MYRIP: variants seen among roughly 807,000 people sequenced by gnomAD.
The protein encoded by MYRIP is myosin VIIA and Rab interacting protein.
A neutral mutation model predicts 98.0 loss-of-function variants in MYRIP; 49 were observed. The observed-to-expected ratio is 0.50, with a 90% CI of 0.40 to 0.63. The LOEUF (loss-of-function observed/expected upper bound fraction) is 0.63. Ranked by LOEUF, MYRIP falls within the 30% of genes least tolerant of loss-of-function variation. MYRIP has a pLI of 0.00. For missense variants in MYRIP, 1,004 were observed against 1,058.2 expected (o/e 0.95, Z 0.71); for synonymous variants, 404 against 409.5 (o/e 0.99, Z 0.16).
intron 8 of MYRIP, chr3:40,174,858 T>C (rs1950713579): frequency 6.6e-6 from 1 of 152,222 alleles, no homozygotes; most frequent in African/African-American, 2.4e-5. Flanking sequence ...AAAATGTTAT[T>C]GGAGGCCGGG....
intron 1 of MYRIP, among the ~76,000 whole-genome samples, chr3:39,861,866 CATT>C (rs1942482448): frequency 6.6e-6 from 1 of 152,166 alleles, no homozygotes; most frequent in African/African-American, 2.4e-5. Flanking sequence ...ATCTACAACT[CATT>C]GATGTCCCTG....
At chr3:40,050,921 A>G (rs1947782520) in intron 3 of MYRIP, among the ~76,000 whole-genome samples, 1 of 152,174 alleles carries the variant, frequency 6.6e-6, no homozygotes, top group Admixed American at 6.6e-5. Flanking sequence ...CTGACAGTGT[A>G]CTGAATTGCT....
chr3:40,214,759 G>C (rs1055796245), intron 11 of MYRIP, among the ~76,000 whole-genome samples: 3 of 152,146 alleles, frequency 2.0e-5, no homozygotes, highest in African/African-American at 7.2e-5. Context: ...CCCAACCACT[G>C]AACAGCCATG....
At chr3:39,867,579 C>A (rs1942662109) in intron 1 of MYRIP, among the ~76,000 whole-genome samples, 1 of 152,070 alleles carries the variant, frequency 6.6e-6, no homozygotes, top group Non-Finnish European at 1.5e-5. Context: ...CACAGAAATG[C>A]AAAGAAAACC....
intron 2 of MYRIP, among the ~76,000 whole-genome samples, chr3:40,025,846 A>G (rs935887005): frequency 2.0e-5 from 3 of 152,182 alleles, no homozygotes; most frequent in Non-Finnish European, 2.9e-5. Flanking sequence ...GAGAACAAAG[A>G]TCACATGCTT....
At chr3:39,929,772 T>C (rs1944496731) in intron 2 of MYRIP, among the ~76,000 whole-genome samples, 2 of 151,962 alleles carry the variant, frequency 1.3e-5, no homozygotes, top group South Asian at 4.1e-4. Context: ...ATATACTTTT[T>C]TTTGCCCTAT....
chr3:40,167,869 G>A (rs1456014633), intron 7 of MYRIP, among the ~76,000 whole-genome samples: 1 of 152,184 alleles, frequency 6.6e-6, no homozygotes, highest in African/African-American at 2.4e-5. Context: ...ACACAGAGCA[G>A]CAGGGTCTGG....
chr3:39,957,955 A>G (rs149372295), intron 2 of MYRIP, among the ~76,000 whole-genome samples: 2 of 152,194 alleles, frequency 1.3e-5, no homozygotes, highest in African/African-American at 2.4e-5. Context: ...TAAAATACCT[A>G]GGAATCTAAC....
At chr3:40,033,952 A>C (rs1232436261) in intron 2 of MYRIP, among the ~76,000 whole-genome samples, 1 of 152,140 alleles carries the variant, frequency 6.6e-6, no homozygotes. Flanking sequence ...GACAAACCTG[A>C]GAAAAACAAG....
At chr3:39,875,705 A>T (rs1298388085) in intron 1 of MYRIP, among the ~76,000 whole-genome samples, 34 of 150,790 alleles carry the variant, frequency 2.3e-4, no homozygotes. Context: ...GGTCTGAGAG[A>T]CAGTTTGTTA....
At chr3:40,086,605 C>T (rs2125878066) in intron 3 of MYRIP, among the ~76,000 whole-genome samples, 1 of 152,338 alleles carries the variant, frequency 6.6e-6, no homozygotes, top group Non-Finnish European at 1.5e-5. Context: ...GCCTCACACT[C>T]AGGACCTCTG....
chr3:40,205,163 T>G (rs960360651), intron 10 of MYRIP, among the ~76,000 whole-genome samples: 2 of 151,932 alleles, frequency 1.3e-5, no homozygotes, highest in African/African-American at 4.8e-5. Flanking sequence ...CATCATGAGG[T>G]GGGGGGTCAG....
At chr3:40,099,120 C>A (rs564169885) in intron 3 of MYRIP, among the ~76,000 whole-genome samples, 1 of 152,092 alleles carries the variant, frequency 6.6e-6, no homozygotes, top group Non-Finnish European at 1.5e-5. Flanking sequence ...CTGGTGACCA[C>A]CCGATTTTGC....
chr3:39,877,726 G>C (rs1045075960), intron 1 of MYRIP, among the ~76,000 whole-genome samples: 19 of 152,218 alleles, frequency 1.2e-4, no homozygotes, highest in African/African-American at 4.3e-4. Context: ...GGAGTACCCG[G>C]CCATGTGAGG....
intron 2 of MYRIP, among the ~76,000 whole-genome samples, chr3:39,934,155 G>C (rs1944605248): frequency 6.6e-6 from 1 of 152,092 alleles, no homozygotes; most frequent in Admixed American, 6.5e-5. Context: ...TAGTTCCTTT[G>C]TCTTCTCTGG....
chr3:39,849,359 G>A (rs530965581), intron 1 of MYRIP, among the ~76,000 whole-genome samples: 33 of 152,286 alleles, frequency 2.2e-4, no homozygotes, highest in East Asian at 5.8e-4. Context: ...ATTTATTTCC[G>A]AGTCTAATAC....
At chr3:40,165,993 T>C (rs1376626038) in intron 5 of MYRIP, among the ~76,000 whole-genome samples, 1 of 152,134 alleles carries the variant, frequency 6.6e-6, no homozygotes, top group Non-Finnish European at 1.5e-5. Flanking sequence ...GTGCTTCAAA[T>C]TTACCATCTG....
chr3:39,857,049 G>T (rs1942319107), intron 1 of MYRIP, among the ~76,000 whole-genome samples: 1 of 152,026 alleles, frequency 6.6e-6, no homozygotes, highest in African/African-American at 2.4e-5. Context: ...AGACCTTATA[G>T]ATTTTTTAAA....
At chr3:39,826,941 T>C (rs1160812700) in intron 1 of MYRIP, among the ~76,000 whole-genome samples, 2 of 152,172 alleles carry the variant, frequency 1.3e-5, no homozygotes, top group Non-Finnish European at 2.9e-5. Flanking sequence ...TTACTGATAT[T>C]ATATCAGGCA....
Sources: allele counts gnomAD v4.1 joint callset (sites outside exome capture counted in the v4.1 genomes callset), GRCh38; gene constraint gnomAD v4.1.1; transcripts MANE v1.5; gene names NCBI Gene and HGNC (gene_info 2026-07-23, HGNC 2026-07-21).